The following TMEM232 variants were observed in gnomAD, a reference collection of about 807,000 sequenced individuals.
TMEM232 encodes the protein transmembrane protein 232.
Under a neutral mutation model 78.8 loss-of-function variants are expected in TMEM232, and 80 were observed. The observed-to-expected ratio is 1.01, with a 90% CI of 0.85 to 1.22. The LOEUF is 1.22. Among genes scored for constraint, TMEM232 ranks in the 50% most tolerant of loss-of-function variants. The pLI is 0.00. For missense variants in TMEM232, 881 were observed against 742.2 expected (o/e 1.19, Z -2.17); for synonymous variants, 297 against 254.3 (o/e 1.17, Z -1.60).
rs370872372 is a variant in TMEM232 at position 110,614,512 on chromosome 5, T to C, written c.902+3917A>G. 5.9e-5 allele frequency among the ~76,000 whole-genome samples: 9 copies of C among 152,220 alleles called. 1 individual carries two copies. The highest frequency in any genetic ancestry group is 5.8e-4 in the East Asian group (3 of 5,182). Reference sequence around the variant, plus strand: ...AAACACAAATCATTAGTAAGTTAAATTAAATAGACGTGGATGCAATACAGC... The same window carrying C: ...AAACACAAATCATTAGTAAGTTAAACTAAATAGACGTGGATGCAATACAGC... On this transcript the variant is annotated intron_variant, in intron 8 of 13. Coordinates refer to ENST00000455884, the MANE Select transcript of TMEM232 (RefSeq NM_001039763.4).
intron 1 of TMEM232, among the ~76,000 whole-genome samples, chr5:110,696,999 G>A (rs1473642280): frequency 6.6e-6 from 1 of 151,926 alleles, no homozygotes; most frequent in Non-Finnish European, 1.5e-5. Context: ...AGTCAATTCT[G>A]AGCCAAAAGA....
At chr5:110,470,119 G>C (rs1762514316) in intron 12 of TMEM232, among the ~76,000 whole-genome samples, 1 of 152,070 alleles carries the variant, frequency 6.6e-6, no homozygotes, top group South Asian at 2.1e-4. Context: ...CTCATCCCCT[G>C]AGACCTGAGT....
chr5:110,485,282 C>T (rs1764339562), intron 12 of TMEM232, among the ~76,000 whole-genome samples: 1 of 152,156 alleles, frequency 6.6e-6, no homozygotes, highest in Non-Finnish European at 1.5e-5. Context: ...ATTCCACCAT[C>T]AACAGCAGAA....
intron 11 of TMEM232, among the ~76,000 whole-genome samples, chr5:110,547,447 G>C (rs961711105): frequency 6.6e-6 from 1 of 152,078 alleles, no homozygotes; most frequent in African/African-American, 2.4e-5. Flanking sequence ...TGAATAATTA[G>C]GTATGGAATA....
chr5:110,587,691 ATGTGTGTGTGTGTGTGTGTGTG>A (rs147127408), intron 10 of TMEM232, among the ~76,000 whole-genome samples: 1 of 63,130 alleles, frequency 1.6e-5, no homozygotes, highest in African/African-American at 7.2e-5. Context: ...ATATATATAT[ATGTGTGTGTGTGTGTGTGTGTG>A]TGTGTGTGTG....
At chr5:110,709,571 T>C (rs774240715) in intron 1 of TMEM232, among the ~76,000 whole-genome samples, 32 of 151,748 alleles carry the variant, frequency 2.1e-4, no homozygotes, top group Admixed American at 1.4e-3. Flanking sequence ...TAGAAACCAA[T>C]AGAAGAGGAA....
chr5:110,418,713 A>C (rs1178786807), downstream of TMEM232, among the ~76,000 whole-genome samples: 1 of 152,186 alleles, frequency 6.6e-6, no homozygotes, highest in Non-Finnish European at 1.5e-5. Flanking sequence ...GAACAGGTAG[A>C]AATACGCTAA....
chr5:110,703,913 T>C (rs1795672368), intron 1 of TMEM232, among the ~76,000 whole-genome samples: 1 of 152,088 alleles, frequency 6.6e-6, no homozygotes, highest in East Asian at 1.9e-4. Flanking sequence ...GTCTCTTCCA[T>C]TGGTTTTAGT....
intron 11 of TMEM232, among the ~76,000 whole-genome samples, chr5:110,549,605 C>CAAA (rs1209595068): frequency 1.5e-3 from 68 of 45,298 alleles, no homozygotes; most frequent in Middle Eastern, 0.014. Flanking sequence ...GTCCCTGTCT[C>CAAA]AAAAAAAAAA....
At chr5:110,609,941 A>C (rs1164849852) in intron 8 of TMEM232, among the ~76,000 whole-genome samples, 1 of 152,088 alleles carries the variant, frequency 6.6e-6, no homozygotes. Flanking sequence ...TTCTTACAGG[A>C]ACCAGAAGTT....
chr5:110,529,129 A>G (rs1771050207), intron 11 of TMEM232, among the ~76,000 whole-genome samples: 1 of 152,188 alleles, frequency 6.6e-6, no homozygotes, highest in African/African-American at 2.4e-5. Flanking sequence ...GAATTTCATA[A>G]GCATTCTGAA....
chr5:110,670,219 A>T (rs1791174026), intron 1 of TMEM232, among the ~76,000 whole-genome samples: 1 of 152,200 alleles, frequency 6.6e-6, no homozygotes, highest in Non-Finnish European at 1.5e-5. Context: ...ACATGATTGT[A>T]TATTTAGAAA....
intron 12 of TMEM232, among the ~76,000 whole-genome samples, chr5:110,452,938 T>A (rs549884916): frequency 2.7e-4 from 41 of 152,226 alleles, no homozygotes; most frequent in Admixed American, 6.5e-4. Context: ...TTACAATGTG[T>A]GAGGTGCTTA....
intron 13 of TMEM232, among the ~76,000 whole-genome samples, chr5:110,421,704 T>C (rs1756663689): frequency 1.3e-5 from 2 of 152,298 alleles, no homozygotes; most frequent in East Asian, 1.9e-4. Context: ...ACATTTGTCA[T>C]CTGGGATATT....
intron 11 of TMEM232, among the ~76,000 whole-genome samples, chr5:110,552,503 TA>T (rs1183672251): frequency 5.9e-5 from 9 of 152,040 alleles, no homozygotes; most frequent in African/African-American, 1.7e-4. Flanking sequence ...ATACCTTATA[TA>T]AAGACACAAA....
At chr5:110,634,722 G>A (rs1785574832) in intron 5 of TMEM232, among the ~76,000 whole-genome samples, 2 of 151,910 alleles carry the variant, frequency 1.3e-5, no homozygotes, top group Admixed American at 6.6e-5. Flanking sequence ...GGTGTTTATA[G>A]CAATAAATTC....
chr5:110,636,307 G>A (rs1359376409), intron 5 of TMEM232, among the ~76,000 whole-genome samples: 1 of 151,900 alleles, frequency 6.6e-6, no homozygotes, highest in Non-Finnish European at 1.5e-5. Context: ...GTTGGTTAAT[G>A]GGTACAAATA....
intron 2 of TMEM232, among the ~76,000 whole-genome samples, chr5:110,644,994 A>C (rs948993688): frequency 2.6e-5 from 4 of 151,666 alleles, no homozygotes; most frequent in African/African-American, 9.7e-5. Context: ...GAAATGAATA[A>C]ATTCCTAGAA....
chr5:110,568,017 A>G (rs1776536299), intron 11 of TMEM232, among the ~76,000 whole-genome samples: 2 of 151,972 alleles, frequency 1.3e-5, no homozygotes. Flanking sequence ...CCCTCAAATT[A>G]GAGGATTGTG....
Sources: gnomAD v4.1 joint callset for allele counts (sites outside exome capture counted in the v4.1 genomes callset) on GRCh38, gnomAD v4.1.1 for gene constraint, MANE v1.5 for transcripts, NCBI Gene and HGNC (gene_info 2026-07-23, HGNC 2026-07-21) for gene names.